The following HDAC9 variants were observed in gnomAD, a reference collection of about 807,000 sequenced individuals.
HDAC9 encodes the protein MEF-2 interacting transcription repressor (MITR) protein.
Under a neutral mutation model 139.4 loss-of-function variants are expected in HDAC9, and 41 were observed. The observed-to-expected ratio is 0.29, with a 90% confidence interval of 0.23 to 0.38. The LOEUF is 0.38. Among genes scored for constraint, HDAC9 ranks in the 10% least tolerant of loss-of-function variants. The probability of loss-of-function intolerance (pLI) is 1.00; values close to 1 mark genes in which losing one functional copy is unlikely to be tolerated. For synonymous variants in HDAC9, 517 were observed against 476.2 expected (o/e 1.09, Z -1.12); for missense variants, 1,147 against 1,297.0 (o/e 0.88, Z 1.78).
chr7:18,636,261 C>G (rs1266462046), intron 8 of HDAC9, among the ~76,000 whole-genome samples: 3 of 152,084 alleles, frequency 2.0e-5, no homozygotes, highest in Admixed American at 2.0e-4. Context: ...GATTAGTTGA[C>G]TGCCCCTCTT....
intron 22 of HDAC9, among the ~76,000 whole-genome samples, chr7:18,925,684 G>A (rs191222647): frequency 2.5e-3 from 373 of 151,116 alleles, no homozygotes; most frequent in Middle Eastern, 0.014. Context: ...AGAGTTTGTG[G>A]CCAGAAAGAC....
intron 1 of HDAC9, among the ~76,000 whole-genome samples, chr7:18,345,453 C>G (rs1782332840): frequency 2.0e-5 from 3 of 151,786 alleles, no homozygotes; most frequent in Non-Finnish European, 4.4e-5. Flanking sequence ...AATCACAATT[C>G]TCCTAGCCAA....
At chr7:18,242,025 GT>G (rs1012566502) in intron 2 of HDAC9, among the ~76,000 whole-genome samples, 9 of 152,162 alleles carry the variant, frequency 5.9e-5, no homozygotes, top group Admixed American at 2.6e-4. Flanking sequence ...TGAACTGCTG[GT>G]TTCCAACCAC....
At chr7:18,760,854 A>G (rs1436671302) in intron 14 of HDAC9, among the ~76,000 whole-genome samples, 1 of 152,210 alleles carries the variant, frequency 6.6e-6, no homozygotes, top group Non-Finnish European at 1.5e-5. Flanking sequence ...CTGCCCCTTC[A>G]GTGAACCACA....
At chr7:18,420,671 G>C (rs777787181) in intron 1 of HDAC9, among the ~76,000 whole-genome samples, 1 of 152,172 alleles carries the variant, frequency 6.6e-6, no homozygotes, top group Non-Finnish European at 1.5e-5. Context: ...GGATCATGCA[G>C]ACTCAGTGGT....
At chr7:18,207,599 G>T in intron 2 of HDAC9, among the ~76,000 whole-genome samples, 1 of 109,176 alleles carries the variant, frequency 9.2e-6, no homozygotes. Flanking sequence ...GAGTGCTGTG[G>T]CATAAAAGGA....
intron 25 of HDAC9, among the ~76,000 whole-genome samples, chr7:18,979,830 G>A (rs889988636): frequency 2.6e-5 from 4 of 152,120 alleles, no homozygotes; most frequent in African/African-American, 9.7e-5. Context: ...CAGAGCAAGA[G>A]CTTACTTATC....
chr7:18,592,011 G>T (rs1583805818), intron 5 of HDAC9, among the ~76,000 whole-genome samples: 1 of 152,068 alleles, frequency 6.6e-6, no homozygotes, highest in Admixed American at 6.6e-5. Flanking sequence ...ATTCTCAACT[G>T]GTGCATTTGG....
intron 1 of HDAC9, among the ~76,000 whole-genome samples, chr7:18,307,128 TG>T (rs1562861075): frequency 3.6e-4 from 54 of 151,644 alleles, no homozygotes; most frequent in African/African-American, 1.2e-3. Context: ...TGTGTGTGTG[TG>T]TGTGTGTGTG....
intron 14 of HDAC9, among the ~76,000 whole-genome samples, chr7:18,756,326 A>G (rs1788872994): frequency 6.6e-6 from 1 of 152,238 alleles, no homozygotes; most frequent in African/African-American, 2.4e-5. Flanking sequence ...AGTGTCGTAC[A>G]TAATTTTCAA....
intron 2 of HDAC9, among the ~76,000 whole-genome samples, chr7:18,567,191 C>T (rs1318308288): frequency 2.6e-5 from 4 of 152,120 alleles, no homozygotes; most frequent in South Asian, 2.1e-4. Context: ...GAACCGCCTA[C>T]GTAAATCTAA....
chr7:18,171,398 C>T (rs1157392840), intron 2 of HDAC9, among the ~76,000 whole-genome samples: 1 of 152,132 alleles, frequency 6.6e-6, no homozygotes, highest in African/African-American at 2.4e-5. Context: ...CAAACAGGGA[C>T]AATTTGACTT....
upstream of HDAC9, among the ~76,000 whole-genome samples, chr7:18,493,784 A>G (rs989103744): frequency 1.3e-5 from 2 of 151,994 alleles, no homozygotes; most frequent in African/African-American, 4.8e-5. Context: ...TAGAATAAAA[A>G]AAAAAAAAGT....
rs144137635 is a variant in HDAC9, at chr7:18,808,879, A to AAAC, written c.2322+15445_2322+15447dup. 3.9e-3 allele frequency among the ~76,000 whole-genome samples: 599 copies of AAAC among 151,984 alleles called. 3 individuals are homozygous for AAAC. Among genetic ancestry groups the AAAC allele is most frequent in the African/African-American group, 0.013 (539 of 41,498 alleles). On this transcript the variant is annotated intron_variant, in intron 17 of 25. Transcript: ENST00000686413. ...ACAACAAAAACCCAAAAAACAAAAC[A>AAAC]AACAACAACAACAACAACAAAAACG...
At chr7:18,214,843 G>T (rs1187971358) in intron 2 of HDAC9, among the ~76,000 whole-genome samples, 1 of 152,096 alleles carries the variant, frequency 6.6e-6, no homozygotes, top group African/African-American at 2.4e-5. Flanking sequence ...AGACCTCTTT[G>T]TTATGGTTCT....
intron 2 of HDAC9, among the ~76,000 whole-genome samples, chr7:18,248,634 C>G (rs1228512016): frequency 6.6e-6 from 1 of 152,100 alleles, no homozygotes; most frequent in Non-Finnish European, 1.5e-5. Context: ...TGAAAATCAG[C>G]TTTTTTCATG....
chr7:18,170,282 C>G (rs895970676), intron 2 of HDAC9, among the ~76,000 whole-genome samples: 1 of 152,112 alleles, frequency 6.6e-6, no homozygotes, highest in South Asian at 2.1e-4. Context: ...CTGTTCATAT[C>G]CTTTGCACAC....
chr7:18,131,022 C>A (rs1784967273), intron 1 of HDAC9, among the ~76,000 whole-genome samples: 1 of 152,032 alleles, frequency 6.6e-6, no homozygotes, highest in Non-Finnish European at 1.5e-5. Flanking sequence ...GAAATCTTTA[C>A]AAATCACCAG....
intron 23 of HDAC9, among the ~76,000 whole-genome samples, chr7:18,953,477 A>G (rs1782944287): frequency 6.6e-6 from 1 of 152,142 alleles, no homozygotes; most frequent in African/African-American, 2.4e-5. Context: ...GAGCTTCTCC[A>G]TGAAAAATTA....
Sources: gnomAD v4.1 joint callset for allele counts (sites outside exome capture counted in the v4.1 genomes callset) on GRCh38, gnomAD v4.1.1 for gene constraint, MANE v1.5 for transcripts, NCBI Gene and HGNC (gene_info 2026-07-23, HGNC 2026-07-21) for gene names.